Variants in GRIN2B observed in about 807,000 individuals in gnomAD.
The protein encoded by GRIN2B is glutamate receptor ionotropic, NMDA 2B.
In GRIN2B, 5 loss-of-function variants were observed where a neutral mutation model predicts 114.5. That is an observed-to-expected ratio of 0.04 (90% CI 0.02 to 0.09). The LOEUF is 0.09. Ranked by LOEUF, GRIN2B falls within the 10% of genes least tolerant of loss-of-function variation. GRIN2B has a pLI of 1.00. For missense variants in GRIN2B, 1,108 were observed against 1,943.5 expected (o/e 0.57, Z 8.08); for synonymous variants, 787 against 745.1 (o/e 1.06, Z -0.92).
intron 2 of GRIN2B, among the ~76,000 whole-genome samples, chr12:13,909,396 C>T (rs1394372449): frequency 1.3e-5 from 2 of 152,220 alleles, no homozygotes; most frequent in Non-Finnish European, 2.9e-5. Flanking sequence ...AATAACAGCA[C>T]CTTCAGGTTA....
At chr12:13,666,384 G>C (rs935454281) in intron 5 of GRIN2B, among the ~76,000 whole-genome samples, 10 of 152,170 alleles carry the variant, frequency 6.6e-5, no homozygotes, top group African/African-American at 2.4e-4. Flanking sequence ...TGGAAGGAAA[G>C]TAGAAAAGCT....
At chr12:13,654,641 T>C (rs186018885) in intron 5 of GRIN2B, among the ~76,000 whole-genome samples, 2 of 152,242 alleles carry the variant, frequency 1.3e-5, no homozygotes, top group Admixed American at 1.3e-4. Flanking sequence ...AGTTCCTGTA[T>C]ACAAAAAGTG....
At chr12:13,608,926 A>C (rs1949323690) in intron 9 of GRIN2B, 94 bp from the exon 10 acceptor site, 2 of 894,288 alleles carry the variant, frequency 2.2e-6, no homozygotes, top group South Asian at 2.7e-5. Flanking sequence ...TGCTCAGAGC[A>C]GGAAACCCTT....
rs192844559 is a variant in GRIN2B, at chr12:13,805,447, G to A, written c.412-51532C>T. On this transcript the variant is annotated intron_variant, in intron 3 of 13. Coordinates refer to ENST00000609686, the MANE Select transcript of GRIN2B (RefSeq NM_000834.5). ...TATTGTTCTTTTCCTTGAAAGTGGT[G>A]TTCTTCAGTGCTAACTACAGCACAA... is the stretch of plus-strand genomic sequence containing the variant. Among the ~76,000 whole-genome samples the A allele has an allele frequency of 2.4e-4, 36 of 152,206 alleles. No homozygotes were observed. The East Asian group carries it at 6.2e-3, about 26-fold the overall frequency.
rs539792108 is a variant in GRIN2B, at chr12:13,699,071, C to T, written c.1011-23212G>A. ...CTAAAAAAGCAGAATAAAAATTAGG[C>T]ACATGCTATGATGACAACTATATAA... is the stretch of plus-strand genomic sequence containing the variant. On this transcript the variant is annotated intron_variant, in intron 4 of 13. Coordinates refer to ENST00000609686, the MANE Select transcript of GRIN2B (RefSeq NM_000834.5). Among the ~76,000 whole-genome samples, 23 of 152,260 alleles carry T rather than the reference C, an allele frequency of 1.5e-4. No homozygotes were observed. In the South Asian group the frequency reaches 3.7e-3, roughly 25 times the overall value.
intron 3 of GRIN2B, among the ~76,000 whole-genome samples, chr12:13,806,292 A>C (rs960932647): frequency 6.6e-6 from 1 of 152,094 alleles, no homozygotes; most frequent in Non-Finnish European, 1.5e-5. Flanking sequence ...TTTCTTGAGG[A>C]ACCTCCAAAT....
At chr12:13,650,244 T>C (rs1006662508) in intron 5 of GRIN2B, among the ~76,000 whole-genome samples, 10 of 152,050 alleles carry the variant, frequency 6.6e-5, no homozygotes, top group Non-Finnish European at 2.9e-5. Flanking sequence ...TATGAAAGTA[T>C]TCCACATGCC....
chr12:13,600,945 C>A (rs1477517507), intron 10 of GRIN2B, among the ~76,000 whole-genome samples: 1 of 152,200 alleles, frequency 6.6e-6, no homozygotes, highest in Non-Finnish European at 1.5e-5. Flanking sequence ...TAAAGCATGT[C>A]TCTGCAAAGC....
chr12:13,819,102 A>G (rs1864883295), intron 3 of GRIN2B, among the ~76,000 whole-genome samples: 1 of 152,186 alleles, frequency 6.6e-6, no homozygotes, highest in Admixed American at 6.5e-5. Flanking sequence ...TGTTAATCCT[A>G]ATCCAATCTG....
chr12:13,822,139 A>G (rs2136694125), intron 3 of GRIN2B, among the ~76,000 whole-genome samples: 1 of 152,306 alleles, frequency 6.6e-6, no homozygotes, highest in Middle Eastern at 3.4e-3. Context: ...TTTTAGCACA[A>G]GAGTTTCAAA....
At position 13,891,688 on chromosome 12, in the gene GRIN2B, C is replaced by G. The variant is rs1043808998; in HGVS notation, c.-18-25462G>C. ...TTACCATGGTGCTGGCAAAAGGTGTCAGACTGGCAACTGCAAAATTGAATC... is the reference window on the plus strand; with the variant it reads ...TTACCATGGTGCTGGCAAAAGGTGTGAGACTGGCAACTGCAAAATTGAATC... On this transcript the variant is annotated intron_variant, in intron 2 of 13. Transcript: ENST00000609686. 8.5e-5 allele frequency among the ~76,000 whole-genome samples: 13 copies of G among 152,162 alleles called. No homozygotes were observed. In the South Asian group the frequency reaches 2.5e-3, roughly 29 times the overall value.
intron 4 of GRIN2B, among the ~76,000 whole-genome samples, chr12:13,741,056 T>C (rs1489900271): frequency 6.6e-6 from 1 of 152,202 alleles, no homozygotes; most frequent in Non-Finnish European, 1.5e-5. Context: ...TATTTTATTT[T>C]ATTGCGATGG....
At chr12:13,646,884 G>A (rs922619828) in intron 5 of GRIN2B, among the ~76,000 whole-genome samples, 1 of 152,092 alleles carries the variant, frequency 6.6e-6, no homozygotes, top group African/African-American at 2.4e-5. Context: ...CCTTGAGGAA[G>A]TAAACAGCCA....
intron 5 of GRIN2B, among the ~76,000 whole-genome samples, chr12:13,619,597 A>C (rs998612872): frequency 6.6e-6 from 1 of 152,194 alleles, no homozygotes; most frequent in African/African-American, 2.4e-5. Flanking sequence ...AAGTCCATTC[A>C]TTTCAACCAC....
At chr12:13,737,151 T>C (rs1034906001) in intron 4 of GRIN2B, among the ~76,000 whole-genome samples, 1 of 152,122 alleles carries the variant, frequency 6.6e-6, no homozygotes, top group Non-Finnish European at 1.5e-5. Flanking sequence ...TTAATAGTTA[T>C]TAGTTCTTCC....
chr12:13,946,682 A>G (rs891566968), intron 2 of GRIN2B, among the ~76,000 whole-genome samples: 2 of 152,188 alleles, frequency 1.3e-5, no homozygotes, highest in African/African-American at 4.8e-5. Context: ...AAAATAAAAT[A>G]ACCACATTAA....
chr12:13,577,455 T>TCAAGG (rs1948791432), intron 10 of GRIN2B, among the ~76,000 whole-genome samples: 1 of 151,986 alleles, frequency 6.6e-6, no homozygotes, highest in East Asian at 1.9e-4. Flanking sequence ...GGGCCAGGAG[T>TCAAGG]CAAGGCCCCC....
chr12:13,635,268 G>A (rs971191115), intron 5 of GRIN2B, among the ~76,000 whole-genome samples: 43 of 152,180 alleles, frequency 2.8e-4, no homozygotes, highest in Admixed American at 4.6e-4. Flanking sequence ...GGGAGATGGT[G>A]AAACCAAGTC....
intron 2 of GRIN2B, among the ~76,000 whole-genome samples, chr12:13,909,456 C>T (rs746002229): frequency 2.0e-5 from 3 of 152,148 alleles, no homozygotes; most frequent in African/African-American, 7.2e-5. Context: ...CCTGAATGTA[C>T]GGGAGGGCAG....
Sources: allele counts gnomAD v4.1 joint callset (sites outside exome capture counted in the v4.1 genomes callset), GRCh38; gene constraint gnomAD v4.1.1; transcripts MANE v1.5; gene names NCBI Gene and HGNC (gene_info 2026-07-23, HGNC 2026-07-21).